The following PLA2G4A variants were observed in gnomAD, a reference collection of about 807,000 sequenced individuals.
PLA2G4A encodes the protein phospholipase A2 group IVA.
In PLA2G4A, 40 loss-of-function variants were observed where a neutral mutation model predicts 81.9. The ratio of observed to expected loss-of-function variants is 0.49; its 90% CI spans 0.38 to 0.64. The LOEUF (loss-of-function observed/expected upper bound fraction) is 0.64, where lower values mean the gene tolerates loss of function less well. Among genes scored for constraint, PLA2G4A ranks in the 30% least tolerant of loss-of-function variants. The pLI, the probability that PLA2G4A is intolerant of heterozygous loss-of-function variation, is 0.00. For missense variants in PLA2G4A, 715 were observed against 905.1 expected, an observed-to-expected ratio of 0.79 and a Z score of 2.69; for synonymous variants, 302 against 296.9, an observed-to-expected ratio of 1.02 and a Z score of -0.18.
At chr1:186,891,273 C>T (rs1558406590) in intron 3 of PLA2G4A, among the ~76,000 whole-genome samples, 2 of 151,946 alleles carry the variant, frequency 1.3e-5, no homozygotes, top group African/African-American at 4.8e-5. Context: ...GGGTATCCAT[C>T]CTCTGAAGCA....
At chr1:186,956,018 G>A in intron 13 of PLA2G4A, 84 bp from the exon 14 acceptor site, 3 of 1,224,272 alleles carry the variant, frequency 2.5e-6, no homozygotes, top group Non-Finnish European at 3.6e-6. Flanking sequence ...AGGATTACAG[G>A]CGTGAGCCAC....
intron 10 of PLA2G4A, among the ~76,000 whole-genome samples, chr1:186,945,377 T>C (rs1656304159): frequency 6.6e-6 from 1 of 152,150 alleles, no homozygotes; most frequent in African/African-American, 2.4e-5. Context: ...GCCCTGTTTT[T>C]ATTTTCAGTG....
At chr1:186,862,142 A>T (rs1407768749) in intron 2 of PLA2G4A, among the ~76,000 whole-genome samples, 1 of 151,320 alleles carries the variant, frequency 6.6e-6, no homozygotes, top group Non-Finnish European at 1.5e-5. Flanking sequence ...CTTTTTATAT[A>T]TGAAGAAACA....
intron 1 of PLA2G4A, among the ~76,000 whole-genome samples, chr1:186,832,443 C>G (rs568876407): frequency 2.6e-5 from 4 of 152,098 alleles, no homozygotes; most frequent in African/African-American, 9.6e-5. Context: ...AGCGAAATCT[C>G]ATGGAATGCT....
chr1:186,921,728 C>T (rs1409864755), intron 7 of PLA2G4A, among the ~76,000 whole-genome samples: 1 of 152,014 alleles, frequency 6.6e-6, no homozygotes, highest in East Asian at 1.9e-4. Context: ...TGCCATGATT[C>T]TTCTGGAGTT....
intron 7 of PLA2G4A, among the ~76,000 whole-genome samples, chr1:186,915,155 TTTG>T (rs1655094839): frequency 6.6e-6 from 1 of 152,104 alleles, no homozygotes; most frequent in African/African-American, 2.4e-5. Context: ...GTGTGCCAGT[TTTG>T]TCATATCTCT....
chr1:186,884,824 C>T (rs1008455848), intron 3 of PLA2G4A, among the ~76,000 whole-genome samples: 1 of 150,012 alleles, frequency 6.7e-6, no homozygotes, highest in Admixed American at 6.7e-5. Context: ...GTTGAGGCTA[C>T]AGTGAGCTGA....
At chr1:186,945,566 A>G (rs563415620) in intron 10 of PLA2G4A, among the ~76,000 whole-genome samples, 64 of 152,120 alleles carry the variant, frequency 4.2e-4, no homozygotes, top group Non-Finnish European at 6.5e-4. Flanking sequence ...CAGTGGACAA[A>G]TGGATAAGTG....
At chr1:186,957,397 A>T (rs937361144) in intron 14 of PLA2G4A, among the ~76,000 whole-genome samples, 3 of 152,328 alleles carry the variant, frequency 2.0e-5, no homozygotes, top group Non-Finnish European at 2.9e-5. Context: ...ATGGTTCAAA[A>T]ACCACTTCAG....
chr1:186,896,584 A>G (rs1654339949), intron 5 of PLA2G4A, among the ~76,000 whole-genome samples: 2 of 152,180 alleles, frequency 1.3e-5, no homozygotes, highest in Non-Finnish European at 2.9e-5. Flanking sequence ...TCTTCACTTT[A>G]GTTCATGATA....
At chr1:186,923,363 C>T (rs1392999833) in intron 7 of PLA2G4A, among the ~76,000 whole-genome samples, 1 of 152,170 alleles carries the variant, frequency 6.6e-6, no homozygotes, top group Non-Finnish European at 1.5e-5. Context: ...AATTCTACAA[C>T]ATTTTTCTTT....
At chr1:186,988,256 T>C (rs1657954075) in intron 17 of PLA2G4A, 121 bp from the exon 18 acceptor site, 1 of 717,430 alleles carries the variant, frequency 1.4e-6, no homozygotes, top group Non-Finnish European at 2.2e-6. Context: ...CGTAGATTTC[T>C]ATTCATATAT....
rs60097467 is a variant in PLA2G4A at position 186,850,520 on chromosome 1, A to ACCT, written c.-69-3766_-69-3765insCCT. On this transcript the variant is annotated intron_variant, in intron 1 of 17. Coordinates refer to ENST00000367466, the MANE Select transcript of PLA2G4A (RefSeq NM_024420.3). ...CCTCATTTTGTTTCTACAAGGTAAG[A>ACCT]AGTCTTATATACTATTGTTTCCCCA... 3.0e-4 allele frequency among the ~76,000 whole-genome samples: 45 copies of ACCT among 151,646 alleles called. No individual in the cohort carries two copies. The East Asian group carries it at 8.0e-3, about 27-fold the overall frequency.
intron 12 of PLA2G4A, 140 bp from the exon 13 acceptor site, chr1:186,950,517 T>C: frequency 1.9e-6 from 1 of 533,762 alleles, no homozygotes; most frequent in South Asian, 2.3e-5. Flanking sequence ...AAATCTAGAA[T>C]TATTAAATGG....
At chr1:186,894,867 C>G (rs926548414) in intron 5 of PLA2G4A, among the ~76,000 whole-genome samples, 2 of 152,106 alleles carry the variant, frequency 1.3e-5, no homozygotes, top group African/African-American at 2.4e-5. Flanking sequence ...CTGTAAGAAA[C>G]TAATTTAGTA....
chr1:186,965,659 A>T (rs1657104044), intron 15 of PLA2G4A, 66 bp downstream of exon 15: 4 of 1,127,262 alleles, frequency 3.5e-6, no homozygotes, highest in Non-Finnish European at 5.4e-6. Flanking sequence ...TAGATCTCTT[A>T]GTCCCTTTGA....
At chr1:186,870,769 CT>C in intron 3 of PLA2G4A, 2 of 1,481,782 alleles carry the variant, frequency 1.3e-6, no homozygotes, top group Non-Finnish European at 9.2e-7. Context: ...ATTTTCTTTG[CT>C]GTTAAACGTA....
At chr1:186,904,101 C>T (rs1192896264) in intron 5 of PLA2G4A, among the ~76,000 whole-genome samples, 3 of 152,136 alleles carry the variant, frequency 2.0e-5, no homozygotes, top group African/African-American at 7.2e-5. Context: ...AGTTTATCTC[C>T]TCCAGTTCTC....
At chr1:186,926,032 G>T (rs1031519805) in intron 7 of PLA2G4A, among the ~76,000 whole-genome samples, 2 of 152,204 alleles carry the variant, frequency 1.3e-5, no homozygotes, top group African/African-American at 4.8e-5. Flanking sequence ...ACAGGAACAC[G>T]AGTATCAGGT....
Sources: allele counts gnomAD v4.1 joint callset (sites outside exome capture counted in the v4.1 genomes callset), GRCh38; gene constraint gnomAD v4.1.1; transcripts MANE v1.5; gene names NCBI Gene and HGNC (gene_info 2026-07-23, HGNC 2026-07-21).